UTRN: variants seen among roughly 807,000 people sequenced by gnomAD.
The protein encoded by UTRN is utrophin, also known as dystrophin-related protein 1.
In UTRN, 283 loss-of-function variants were observed where a neutral mutation model predicts 463.9. That is an observed-to-expected ratio of 0.61 (90% confidence interval 0.55 to 0.67). The LOEUF is 0.67. Ranked by LOEUF, UTRN falls within the 30% of genes least tolerant of loss-of-function variation. The pLI is 0.00. For missense variants in UTRN, 3,922 were observed against 4,084.3 expected, an observed-to-expected ratio of 0.96 and a Z score of 1.08; for synonymous variants, 1,442 against 1,431.5, an observed-to-expected ratio of 1.01 and a Z score of -0.17.
rs1344205509 is a variant in UTRN at position 144,452,065 on chromosome 6, C to T, written c.2196+572C>T. The stretch of plus-strand genomic sequence containing the variant: ...CACATTACTGCATTAACTATTTGGG[C>T]ACCTGGGTAGAGAATCTATAGTCTA... On this transcript the variant is annotated intron_variant, in intron 18 of 74. Coordinates refer to ENST00000367545, the MANE Select transcript of UTRN (RefSeq NM_007124.3). Among the ~76,000 whole-genome samples the T allele has an allele frequency of 7.9e-5, 12 of 152,112 alleles. No individual in the cohort carries two copies. The East Asian group carries it at 2.3e-3, about 29-fold the overall frequency.
chr6:144,714,925 C>T (rs1377383639), intron 53 of UTRN, among the ~76,000 whole-genome samples: 4 of 152,280 alleles, frequency 2.6e-5, no homozygotes, highest in East Asian at 3.9e-4. Context: ...GTTTTTCTTA[C>T]GTCACTGGTA....
intron 69 of UTRN, among the ~76,000 whole-genome samples, chr6:144,830,745 T>C (rs1780606576): frequency 6.6e-6 from 1 of 152,062 alleles, no homozygotes; most frequent in African/African-American, 2.4e-5. Context: ...TTTTTGCTTT[T>C]TTAGCTCATC....
At chr6:144,584,225 C>T (rs900642280) in intron 51 of UTRN, among the ~76,000 whole-genome samples, 3 of 152,236 alleles carry the variant, frequency 2.0e-5, no homozygotes, top group South Asian at 2.1e-4. Flanking sequence ...TCTAATACTA[C>T]GTCATCCCGA....
At chr6:144,444,688 A>T (rs950089115) in intron 14 of UTRN, among the ~76,000 whole-genome samples, 1 of 152,200 alleles carries the variant, frequency 6.6e-6, no homozygotes, top group African/African-American at 2.4e-5. Flanking sequence ...TGGGTGATGT[A>T]TTTGAATTTG....
intron 2 of UTRN, chr6:144,344,279 T>C (rs1352200412): frequency 7.7e-7 from 1 of 1,304,122 alleles, no homozygotes; most frequent in South Asian, 1.2e-5. Context: ...GGCATGTAGC[T>C]CTCCAGGCTT....
chr6:144,332,797 T>G (rs1776429498), intron 2 of UTRN, among the ~76,000 whole-genome samples: 1 of 152,134 alleles, frequency 6.6e-6, no homozygotes, highest in Non-Finnish European at 1.5e-5. Flanking sequence ...TGATTTACTC[T>G]TATCTGTGCT....
chr6:144,383,688 G>GA (rs1423692573), intron 2 of UTRN, among the ~76,000 whole-genome samples: 1 of 151,860 alleles, frequency 6.6e-6, no homozygotes, highest in African/African-American at 2.4e-5. Flanking sequence ...TTGCTACAGG[G>GA]AAAAAAAATG....
intron 2 of UTRN, among the ~76,000 whole-genome samples, chr6:144,367,142 C>T (rs1486903151): frequency 6.6e-6 from 1 of 152,080 alleles, no homozygotes; most frequent in Non-Finnish European, 1.5e-5. Context: ...TGCCATCACA[C>T]CCGGCTAATT....
At chr6:144,456,985 T>A (rs73780576) in intron 19 of UTRN, among the ~76,000 whole-genome samples, 2,776 of 152,276 alleles carry the variant, frequency 0.018, 94 homozygotes, top group African/African-American at 0.063. Flanking sequence ...TTCTATGTTC[T>A]CCCTTTTAGA....
chr6:144,415,141 T>C (rs1326840268), intron 3 of UTRN, among the ~76,000 whole-genome samples: 2 of 152,168 alleles, frequency 1.3e-5, no homozygotes, highest in East Asian at 3.8e-4. Context: ...AGCCTAGGAG[T>C]GATATGCTAT....
chr6:144,850,069 T>G (rs1453421351), intron 74 of UTRN, among the ~76,000 whole-genome samples: 1 of 152,204 alleles, frequency 6.6e-6, no homozygotes, highest in Non-Finnish European at 1.5e-5. Flanking sequence ...CCATCAGTGT[T>G]TGCTGAATTT....
chr6:144,743,518 G>T (rs1189487883), intron 54 of UTRN, among the ~76,000 whole-genome samples: 1 of 152,116 alleles, frequency 6.6e-6, no homozygotes, highest in Non-Finnish European at 1.5e-5. Flanking sequence ...ATAGACTCTT[G>T]AAATAAAATA....
chr6:144,610,937 G>T (rs1433068770), intron 51 of UTRN, among the ~76,000 whole-genome samples: 1 of 152,044 alleles, frequency 6.6e-6, no homozygotes, highest in Non-Finnish European at 1.5e-5. Flanking sequence ...TCTCCATAAT[G>T]AATACAGGTG....
In UTRN at chr6:144,610,735, C is replaced by T. The variant is rs187745185; in HGVS notation, c.7479+33447C>T. On this transcript the variant is annotated intron_variant, in intron 51 of 74. Coordinates refer to ENST00000367545, the MANE Select transcript of UTRN (RefSeq NM_007124.3). The stretch of plus-strand genomic sequence containing the variant: ...ACTAAAAATACAAAAATTAGCCGGG[C>T]GTGGTGGCACTTGCCTGTAATCCTA... Among the ~76,000 whole-genome samples the T allele has an allele frequency of 3.3e-4, 50 of 152,106 alleles. No homozygotes were observed. In the East Asian group the frequency reaches 8.1e-3, roughly 25 times the overall value.
At chr6:144,297,234 T>C (rs1323496712) in intron 2 of UTRN, among the ~76,000 whole-genome samples, 1 of 151,274 alleles carries the variant, frequency 6.6e-6, no homozygotes, top group Non-Finnish European at 1.5e-5. Context: ...GGTTGAGGAG[T>C]GTAGGGGAAG....
intron 1 of UTRN, among the ~76,000 whole-genome samples, chr6:144,288,056 A>G (rs886631546): frequency 6.6e-6 from 1 of 152,230 alleles, no homozygotes; most frequent in Non-Finnish European, 1.5e-5. Flanking sequence ...GCATTTGGCA[A>G]TTAGAAGGAG....
rs1167148977 is a variant in UTRN, at chr6:144,782,083, G to A, written c.8794G>A (p.Val2932Ile). The A allele has an allele frequency of 6.2e-7, 1 of 1,613,268 alleles. No individual in the cohort carries two copies. Among genetic ancestry groups the A allele is most frequent in the Admixed American group, 1.7e-5 (1 of 59,938 alleles). ...GGACCTGGTCAACGTTCCACTCTGT[G>A]TTGATATGTGTCTCAATTGGTTGCT... is the stretch of plus-strand genomic sequence containing the variant. The part of the protein sequence containing the change: ...HKDLVNVPLC[V>I]DMCLNWLLNV... The change falls in exon 61 of 75, where the codon GTT becomes ATT. Residue 2932 changes from valine to isoleucine, a missense_variant. Around this residue, in one of 3 missense-constraint regions of UTRN, gnomAD observed 1,309 missense variants for 1,452.6 expected, o/e 0.90. Coordinates refer to ENST00000367545, the MANE Select transcript of UTRN (RefSeq NM_007124.3).
chr6:144,815,425 G>A (rs907065915), intron 65 of UTRN, among the ~76,000 whole-genome samples: 1 of 152,140 alleles, frequency 6.6e-6, no homozygotes, highest in Admixed American at 6.5e-5. Flanking sequence ...TGATCACAAG[G>A]TGAAGTCCCA....
At chr6:144,719,400 AC>A in intron 53 of UTRN, among the ~76,000 whole-genome samples, 1 of 151,880 alleles carries the variant, frequency 6.6e-6, no homozygotes, top group Admixed American at 6.6e-5. Context: ...CCATGGAGAA[AC>A]CCCATCTCTA....
Sources: gnomAD v4.1 joint callset for allele counts (sites outside exome capture counted in the v4.1 genomes callset) on GRCh38, gnomAD v4.1.1 for gene constraint, gnomAD v4.1.1 regional missense constraint, MANE v1.5 for transcripts, NCBI Gene and HGNC (gene_info 2026-07-23, HGNC 2026-07-21) for gene names.